Variants in KANK1 observed in about 807,000 individuals in gnomAD.
KANK1 encodes the protein KN motif and ankyrin repeat domains 1, also known as KN motif and ankyrin repeat domain-containing protein 1.
KANK1 carries 109 observed loss-of-function variants against 106.2 expected under a neutral mutation model. That is an observed-to-expected ratio of 1.03 (90% CI 0.88 to 1.20). KANK1 has a LOEUF of 1.20. Ranked by LOEUF, KANK1 falls within the 50% of genes most tolerant of loss-of-function variation. The pLI, the probability that KANK1 is intolerant of heterozygous loss-of-function variation, is 0.00. For synonymous variants in KANK1, 873 were observed against 652.2 expected, an observed-to-expected ratio of 1.34 and a Z score of -5.16; for missense variants, 2,399 against 1,710.7, an observed-to-expected ratio of 1.40 and a Z score of -7.10.
chr9:600,101 A>C (rs1827348945), intron 1 of KANK1, among the ~76,000 whole-genome samples: 1 of 151,854 alleles, frequency 6.6e-6, no homozygotes, highest in South Asian at 2.1e-4. Flanking sequence ...TGCACAATTC[A>C]GTAATGTTGT....
At position 546,067 on chromosome 9, in the gene KANK1, A is replaced by G. The variant is rs904945513; in HGVS notation, c.-84+41313A>G. On this transcript the variant is annotated intron_variant, in intron 1 of 11. Coordinates refer to ENST00000382297, the MANE Select transcript of KANK1 (RefSeq NM_015158.5). ...CTGCCAGTACAGAGCCTTTGAAGAC[A>G]TTAGAAAATGTGTGCCTTTCTGGAT... Among the ~76,000 whole-genome samples, 4 of 152,138 alleles carry G rather than the reference A, an allele frequency of 2.6e-5. No individual in the cohort carries two copies. The East Asian group carries it at 7.7e-4, about 29-fold the overall frequency.
chr9:528,139 GAAAA>G (rs77736906), intron 1 of KANK1, among the ~76,000 whole-genome samples: 1 of 125,864 alleles, frequency 7.9e-6, no homozygotes. Flanking sequence ...TCCGTCTCGG[GAAAA>G]AAAAAAAAAA....
chr9:630,767 G>A (rs1278714172), intron 1 of KANK1, among the ~76,000 whole-genome samples: 2 of 151,792 alleles, frequency 1.3e-5, no homozygotes, highest in African/African-American at 2.4e-5. Flanking sequence ...GCCAGGTGTG[G>A]TGGCAGGCGC....
intron 1 of KANK1, among the ~76,000 whole-genome samples, chr9:618,343 G>A (rs939491899): frequency 1.3e-5 from 2 of 152,020 alleles, no homozygotes. Context: ...GAGTAGCTGG[G>A]ACTACAGGCA....
Position 712,999 on chromosome 9 carries a change from C to T in KANK1, c.2233C>T (p.His745Tyr), listed in dbSNP as rs1348183806. The change falls in exon 3 of 12, where the codon CAT (histidine) becomes TAT (tyrosine). Residue 745 changes from histidine (H) to tyrosine (Y), a missense_variant. By Grantham distance (83) the His-to-Tyr change is moderately conservative. Coordinates refer to ENST00000382297, the MANE Select transcript of KANK1 (RefSeq NM_015158.5). Reference sequence around the variant, plus strand: ...TGGTGTTGGAACGTTGCTTTCTGGCCATTCTGGGTTTGACAGGCCATCAGC... The same window carrying T: ...TGGTGTTGGAACGTTGCTTTCTGGCTATTCTGGGTTTGACAGGCCATCAGC... Reference protein sequence around the residue: ...SIGVGTLLSGHSGFDRPSAVK... With the variant: ...SIGVGTLLSGYSGFDRPSAVK... 3 of 1,614,046 alleles carry T rather than the reference C, an allele frequency of 1.9e-6. No individual in the cohort carries two copies. The highest frequency in any genetic ancestry group is 2.7e-5 in the African/African-American group (2 of 74,922).
intron 1 of KANK1, among the ~76,000 whole-genome samples, chr9:541,905 C>T (rs921117842): frequency 6.6e-6 from 1 of 150,926 alleles, no homozygotes; most frequent in Non-Finnish European, 1.5e-5. Flanking sequence ...CTGGCTAACA[C>T]GGTGAAACCC....
Position 510,656 on chromosome 9 carries a change from G to C in KANK1, c.-84+5902G>C, listed in dbSNP as rs539755235. Among the ~76,000 whole-genome samples the C allele has an allele frequency of 1.7e-4, 26 of 152,348 alleles. 1 individual carries two copies. Among genetic ancestry groups the C allele is most frequent in the African/African-American group, 6.0e-4 (25 of 41,578 alleles). ...ACCACTGGACAGTGGGGTTGGTGAT[G>C]CTGGCTTCCTTACTATTCTTTTTCT... On this transcript the variant is annotated intron_variant, in intron 1 of 11. Coordinates refer to ENST00000382297, the MANE Select transcript of KANK1 (RefSeq NM_015158.5).
In KANK1 at chr9:740,947, G is replaced by A. The variant is rs1441111368; in HGVS notation, c.3696+13G>A. 1.2e-6 allele frequency: 2 copies of A among 1,613,808 alleles called. No individual in the cohort carries two copies. Among genetic ancestry groups the A allele is most frequent in the Non-Finnish European group, 1.7e-6 (2 of 1,179,886 alleles). On this transcript the variant is annotated intron_variant, in intron 9 of 11. Coordinates refer to ENST00000382297, the MANE Select transcript of KANK1 (RefSeq NM_015158.5). ...CAAAGCTAGTCAGGTTAGTGCGCCTGGTTCCTGTGCTCAGGAATGCACCCG... is the reference window on the plus strand; with the variant it reads ...CAAAGCTAGTCAGGTTAGTGCGCCTAGTTCCTGTGCTCAGGAATGCACCCG...
intron 1 of KANK1, among the ~76,000 whole-genome samples, chr9:650,365 C>A (rs1840615852): frequency 6.6e-6 from 1 of 152,084 alleles, no homozygotes; most frequent in Admixed American, 6.6e-5. Context: ...AGTGCGATTC[C>A]TCTTTTACTC....
intron 1 of KANK1, among the ~76,000 whole-genome samples, chr9:618,776 GA>G (rs1171573225): frequency 2.0e-5 from 3 of 152,082 alleles, no homozygotes; most frequent in African/African-American, 7.2e-5. Context: ...CATTCAGTAA[GA>G]AAGCTCCTGC....
At chr9:582,624 A>G (rs1046274967) in intron 1 of KANK1, among the ~76,000 whole-genome samples, 4 of 152,336 alleles carry the variant, frequency 2.6e-5, no homozygotes, top group South Asian at 2.1e-4. Context: ...GCATTTAAAA[A>G]ATAAAAACAT....
intron 1 of KANK1, among the ~76,000 whole-genome samples, chr9:663,086 A>G (rs1194229078): frequency 6.6e-6 from 1 of 152,206 alleles, no homozygotes; most frequent in East Asian, 1.9e-4. Flanking sequence ...ATATTCATCA[A>G]TTTAAGAGTT....
chr9:744,585 C>T lies in KANK1; in HGVS notation c.3992C>T (p.Ser1331Phe), dbSNP rs376262343. 2.5e-6 allele frequency: 4 copies of T among 1,614,058 alleles called. No homozygotes were observed. The highest frequency in any genetic ancestry group is 3.4e-6 in the Non-Finnish European group (4 of 1,180,050). The change falls in exon 11 of 12, where the codon TCT (serine) becomes TTT (phenylalanine). Residue 1331 changes from serine (S) to phenylalanine (F), a missense_variant. Coordinates refer to ENST00000382297, the MANE Select transcript of KANK1 (RefSeq NM_015158.5). Reference protein sequence around the residue: ...YAHVNFAKAQSPGTPRLGRKT... With the variant: ...YAHVNFAKAQFPGTPRLGRKT... The stretch of plus-strand genomic sequence containing the variant: ...CATGTCAACTTTGCAAAAGCCCAGT[C>T]TCCGGTCAGTGTTGTGCATTTGGCA...
At chr9:614,688 C>T (rs944795966) in intron 1 of KANK1, among the ~76,000 whole-genome samples, 1 of 152,128 alleles carries the variant, frequency 6.6e-6, no homozygotes, top group African/African-American at 2.4e-5. Context: ...CGTGTGCCTC[C>T]TGGGGTGGGG....
chr9:625,304 T>A (rs7863570), intron 1 of KANK1, among the ~76,000 whole-genome samples: 1 of 152,046 alleles, frequency 6.6e-6, no homozygotes, highest in Non-Finnish European at 1.5e-5. Flanking sequence ...TAAGTATTTA[T>A]CTGTAAGCCA....
intron 1 of KANK1, among the ~76,000 whole-genome samples, chr9:546,354 T>C (rs2060927936): frequency 6.6e-6 from 1 of 151,984 alleles, no homozygotes; most frequent in African/African-American, 2.4e-5. Flanking sequence ...GAGATGCTGC[T>C]AAACACTCTG....
At chr9:610,334 A>G (rs1425919207) in intron 1 of KANK1, among the ~76,000 whole-genome samples, 2 of 152,206 alleles carry the variant, frequency 1.3e-5, no homozygotes, top group African/African-American at 4.8e-5. Context: ...CTGCTCTCCA[A>G]AGTGAACCAT....
At chr9:505,259 C>T (rs530041714) in intron 1 of KANK1, among the ~76,000 whole-genome samples, 73 of 152,254 alleles carry the variant, frequency 4.8e-4, no homozygotes, top group African/African-American at 1.4e-3. Context: ...GCGGTCAAGA[C>T]CCCTTTATCC....
chr9:574,817 T>G (rs888332400), intron 1 of KANK1, among the ~76,000 whole-genome samples: 10 of 143,808 alleles, frequency 7.0e-5, no homozygotes, highest in African/African-American at 2.6e-4. Context: ...ATTGCACCAC[T>G]GCACTCCAAC....
Sources: allele counts gnomAD v4.1 joint callset (sites outside exome capture counted in the v4.1 genomes callset), GRCh38; gene constraint gnomAD v4.1.1; transcripts MANE v1.5; gene names NCBI Gene and HGNC (gene_info 2026-07-23, HGNC 2026-07-21).